Variants in LRBA observed in about 807,000 individuals in gnomAD.
LRBA encodes the protein lipopolysaccharide-responsive and beige-like anchor protein.
A neutral mutation model predicts 330.0 loss-of-function variants in LRBA; 176 were observed. That is an observed-to-expected ratio of 0.53 (90% CI 0.47 to 0.60). The LOEUF is 0.60. LRBA is among the 20% of genes least tolerant of loss of function. LRBA has a pLI of 0.00. For synonymous variants in LRBA, 1,230 were observed against 1,193.0 expected (o/e 1.03, Z -0.64); for missense variants, 3,259 against 3,444.8 (o/e 0.95, Z 1.35).
intron 48 of LRBA, among the ~76,000 whole-genome samples, chr4:150,335,428 TAC>T (rs1734531834): frequency 6.7e-6 from 1 of 149,034 alleles, no homozygotes. Context: ...CACACATATA[TAC>T]ATATATATAT....
At chr4:150,728,599 AT>A (rs1466961156) in intron 36 of LRBA, among the ~76,000 whole-genome samples, 1 of 152,130 alleles carries the variant, frequency 6.6e-6, no homozygotes, top group African/African-American at 2.4e-5. Context: ...GGATAAAAAA[AT>A]GATCATTTCA....
At chr4:150,468,118 G>C (rs772645277) in intron 43 of LRBA, among the ~76,000 whole-genome samples, 1 of 151,954 alleles carries the variant, frequency 6.6e-6, no homozygotes, top group African/African-American at 2.4e-5. Flanking sequence ...TCACTTGAAA[G>C]CCTGCCCCAA....
intron 37 of LRBA, among the ~76,000 whole-genome samples, chr4:150,664,625 A>T (rs1281484310): frequency 1.3e-5 from 2 of 152,178 alleles, no homozygotes; most frequent in South Asian, 4.1e-4. Flanking sequence ...AGGAATTAAC[A>T]TTGCCATTTA....
At chr4:150,541,554 A>T (rs2152225574) in intron 40 of LRBA, among the ~76,000 whole-genome samples, 1 of 151,670 alleles carries the variant, frequency 6.6e-6, no homozygotes, top group African/African-American at 2.4e-5. Flanking sequence ...GGAAAATATT[A>T]AAAAATAGAA....
Position 150,914,350 on chromosome 4 carries a change from G to T in LRBA, c.1015-9C>A, listed in dbSNP as rs765923836. 2.4e-5 allele frequency: 25 copies of T among 1,020,490 alleles called. No homozygotes were observed. The highest frequency in any genetic ancestry group is 1.1e-4 in the East Asian group (3 of 28,452). 63.2% of individuals were successfully genotyped at this position (1,020,490 alleles called of 1,614,324 possible). A position where few individuals can be genotyped will look rare whatever the true frequency, so the allele number is the denominator to read the frequency against. On this transcript the variant is annotated splice_polypyrimidine_tract_variant and intron_variant, in intron 8 of 56. Coordinates refer to ENST00000651943, the MANE Select transcript of LRBA (RefSeq NM_001364905.1). ...AAACATTTGTCAAAGGTCTGTAAAA[G>T]AAAAAAAAAAAGGAATTAGGAAAAA...
chr4:150,544,317 G>A (rs751360324), intron 40 of LRBA, among the ~76,000 whole-genome samples: 3 of 151,874 alleles, frequency 2.0e-5, no homozygotes, highest in Non-Finnish European at 2.9e-5. Context: ...TAGTAGTGAC[G>A]GAGTTTTGCC....
intron 48 of LRBA, among the ~76,000 whole-genome samples, chr4:150,331,879 T>TA (rs1480808577): frequency 2.6e-5 from 4 of 152,190 alleles, no homozygotes; most frequent in Non-Finnish European, 5.9e-5. Context: ...GTTCAAATCT[T>TA]ACCACTATCA....
intron 2 of LRBA, among the ~76,000 whole-genome samples, chr4:150,998,233 A>G (rs1159203403): frequency 6.6e-6 from 1 of 151,338 alleles, no homozygotes; most frequent in African/African-American, 2.4e-5. Flanking sequence ...CATGACTGTA[A>G]TCCCAGCTAC....
intron 51 of LRBA, among the ~76,000 whole-genome samples, chr4:150,313,840 GTATATATATATA>G (rs35815992): frequency 2.8e-5 from 4 of 141,990 alleles, no homozygotes; most frequent in Non-Finnish European, 4.6e-5. Flanking sequence ...TATATATAAT[GTATATATATATA>G]TATATATATA....
intron 2 of LRBA, among the ~76,000 whole-genome samples, chr4:150,952,912 A>T (rs1001799890): frequency 3.3e-5 from 5 of 151,940 alleles, no homozygotes; most frequent in African/African-American, 1.2e-4. Flanking sequence ...TCTCACTTAC[A>T]ATTATTTTGC....
chr4:150,799,349 G>A (rs2126676321), intron 33 of LRBA, among the ~76,000 whole-genome samples: 1 of 152,246 alleles, frequency 6.6e-6, no homozygotes, highest in African/African-American at 2.4e-5. Flanking sequence ...AGATGAACAT[G>A]GCTCTTCAGG....
chr4:150,779,847 C>T (rs1225184037), intron 34 of LRBA, among the ~76,000 whole-genome samples: 1 of 152,026 alleles, frequency 6.6e-6, no homozygotes, highest in Non-Finnish European at 1.5e-5. Context: ...TATGTTACAC[C>T]AGTTTAAAAG....
At position 150,852,177 on chromosome 4, in the gene LRBA, C is replaced by A. The variant is rs1560915533; in HGVS notation, c.3533G>T (p.Gly1178Val). 6 of 1,614,106 alleles carry A rather than the reference C, an allele frequency of 3.7e-6. No homozygotes were observed. Among genetic ancestry groups the A allele is most frequent in the Non-Finnish European group, 5.1e-6 (6 of 1,180,000 alleles). ...DTETQDSKDS[G>V]IQTMTASGSS... Reference sequence around the variant, plus strand: ...CCCTGATGCTGTCATAGTCTGAATTCCAGAATCTTTAGAATCTTGAGTTTC... The same window carrying A: ...CCCTGATGCTGTCATAGTCTGAATTACAGAATCTTTAGAATCTTGAGTTTC... The change falls in exon 23 of 57, where the codon GGA becomes GTA. Residue 1178 changes from glycine (G) to valine (V), a missense_variant. Gly to Val is a moderately radical substitution (Grantham distance 109). Transcript: ENST00000651943.
chr4:150,371,223 C>T (rs1740263228), intron 47 of LRBA, among the ~76,000 whole-genome samples: 2 of 110,276 alleles, frequency 1.8e-5, no homozygotes, highest in Non-Finnish European at 3.3e-5. Flanking sequence ...GACAGAGTCT[C>T]ACTCTGTCAC....
chr4:150,821,877 C>G (rs1745492190), intron 30 of LRBA, among the ~76,000 whole-genome samples: 2 of 152,206 alleles, frequency 1.3e-5, no homozygotes, highest in South Asian at 2.1e-4. Context: ...AACCTGGCAG[C>G]CTTTCAGCAA....
In LRBA at chr4:150,264,671, A is replaced by AAAG. The variant is rs1745084188; in HGVS notation, c.*1048_*1050dup. ...ATAGAGATCAAAGTTCACAACATAC[A>AAAG]AAGAATTTATTTATGCAATACAGGC... On this transcript the variant is annotated 3_prime_UTR_variant, in exon 57 of 57. Coordinates refer to ENST00000651943, the MANE Select transcript of LRBA (RefSeq NM_001364905.1). 1 of 152,652 alleles carries AAAG rather than the reference A, an allele frequency of 6.6e-6. No homozygotes were observed. Among genetic ancestry groups the AAAG allele is most frequent in the African/African-American group, 2.4e-5 (1 of 41,448 alleles). The allele number at this position is 152,652 out of a possible 1,614,324, so 9.5% of individuals were successfully genotyped here.
intron 22 of LRBA, among the ~76,000 whole-genome samples, chr4:150,857,466 T>C (rs1710052035): frequency 6.6e-6 from 1 of 152,184 alleles, no homozygotes; most frequent in Admixed American, 6.5e-5. Context: ...CAATTTTAAT[T>C]TCTTAAAAAC....
intron 33 of LRBA, among the ~76,000 whole-genome samples, chr4:150,801,654 C>T (rs1741628501): frequency 6.6e-6 from 1 of 152,158 alleles, no homozygotes; most frequent in Non-Finnish European, 1.5e-5. Context: ...AAGAACACCG[C>T]CACACGTCTT....
intron 40 of LRBA, chr4:150,578,984 A>C (rs1442177800): frequency 3.3e-6 from 1 of 301,712 alleles, no homozygotes; most frequent in Non-Finnish European, 6.5e-6. Flanking sequence ...GAATTTGTCA[A>C]GGACCATCAG....
Sources: allele counts gnomAD v4.1 joint callset (sites outside exome capture counted in the v4.1 genomes callset), GRCh38; gene constraint gnomAD v4.1.1; transcripts MANE v1.5; gene names NCBI Gene and HGNC (gene_info 2026-07-23, HGNC 2026-07-21).